The following TBL1XR1 variants were observed in gnomAD, a reference collection of about 807,000 sequenced individuals.
The protein encoded by TBL1XR1 is TBL1X/Y related 1.
In TBL1XR1, 5 loss-of-function variants were observed where a neutral mutation model predicts 66.9. The observed-to-expected ratio is 0.07, with a 90% confidence interval of 0.04 to 0.16. TBL1XR1 has a LOEUF of 0.16. TBL1XR1 is among the 10% of genes least tolerant of loss of function. The pLI, the probability that TBL1XR1 is intolerant of heterozygous loss-of-function variation, is 1.00. For missense variants in TBL1XR1, 238 were observed against 623.2 expected, an observed-to-expected ratio of 0.38 and a Z score of 6.58; for synonymous variants, 210 against 206.0, an observed-to-expected ratio of 1.02 and a Z score of -0.17.
intron 12 of TBL1XR1, among the ~76,000 whole-genome samples, chr3:177,034,527 C>CT (rs1172090381): frequency 6.6e-6 from 1 of 151,644 alleles, no homozygotes; most frequent in African/African-American, 2.4e-5. Flanking sequence ...AAAAAGTTAG[C>CT]TTTAAGCCCT....
intron 3 of TBL1XR1, among the ~76,000 whole-genome samples, chr3:177,058,158 GACC>G (rs943870545): frequency 2.6e-5 from 4 of 152,106 alleles, no homozygotes; most frequent in Non-Finnish European, 4.4e-5. Flanking sequence ...GCTTAAATAT[GACC>G]ACAACATACT....
At position 177,023,171 on chromosome 3, in the gene TBL1XR1, T is replaced by C. The variant is rs1289785902; in HGVS notation, c.*2327A>G. 6.6e-6 allele frequency: 1 copy of C among 152,416 alleles called. No individual in the cohort carries two copies. The highest frequency in any genetic ancestry group is 6.6e-5 in the Admixed American group (1 of 15,244). 9.4% of individuals were successfully genotyped at this position (152,416 alleles called of 1,614,324 possible). A position where few individuals can be genotyped will look rare whatever the true frequency, so the allele number is the denominator to read the frequency against. On this transcript the variant is annotated 3_prime_UTR_variant, in exon 16 of 16. Coordinates refer to ENST00000457928, the MANE Select transcript of TBL1XR1 (RefSeq NM_024665.7). ...AATGAATAAACTGTCCATATCAAAA[T>C]ACAAAAGTACTATCAATAATCACCT...
chr3:177,156,428 GGCAGAGGTT>G (rs1254166108), intron 1 of TBL1XR1, among the ~76,000 whole-genome samples: 1 of 151,388 alleles, frequency 6.6e-6, no homozygotes, highest in Non-Finnish European at 1.5e-5. Flanking sequence ...GAACCCAGGA[GGCAGAGGTT>G]GCAGTGAGCC....
intron 2 of TBL1XR1, among the ~76,000 whole-genome samples, chr3:177,084,017 G>A (rs951833316): frequency 6.6e-6 from 1 of 150,554 alleles, no homozygotes; most frequent in Non-Finnish European, 1.5e-5. Flanking sequence ...GAACCCAGGA[G>A]GCGGAGGCTG....
intron 1 of TBL1XR1, among the ~76,000 whole-genome samples, chr3:177,139,615 C>T (rs1031500636): frequency 6.6e-6 from 1 of 150,640 alleles, no homozygotes; most frequent in African/African-American, 2.4e-5. Flanking sequence ...AATTCATTTG[C>T]CTAGAATATA....
At chr3:177,085,119 A>T (rs1174538675) in intron 2 of TBL1XR1, among the ~76,000 whole-genome samples, 1 of 152,236 alleles carries the variant, frequency 6.6e-6, no homozygotes, top group African/African-American at 2.4e-5. Flanking sequence ...CATAAGAATA[A>T]ATCCCTAAGA....
chr3:177,194,288 AGCT>A (rs1369318133), intron 1 of TBL1XR1, among the ~76,000 whole-genome samples: 1 of 152,184 alleles, frequency 6.6e-6, no homozygotes, highest in African/African-American at 2.4e-5. Flanking sequence ...GTCTCGTGTT[AGCT>A]GCTTTCCTTT....
At position 177,023,546 on chromosome 3, in the gene TBL1XR1, A is replaced by G. The variant is rs1203052490; in HGVS notation, c.*1952T>C. 6.6e-6 allele frequency: 1 copy of G among 152,534 alleles called. No individual in the cohort carries two copies. Among genetic ancestry groups the G allele is most frequent in the Non-Finnish European group, 1.5e-5 (1 of 67,968 alleles). 9.4% of individuals were successfully genotyped at this position (152,534 alleles called of 1,614,324 possible). ...ACTGCCTCTCTTGATGTAAATTTTT[A>G]AAAATATTATTACAGTATCATAGTC... On this transcript the variant is annotated 3_prime_UTR_variant, in exon 16 of 16. Coordinates refer to ENST00000457928, the MANE Select transcript of TBL1XR1 (RefSeq NM_024665.7).
intron 2 of TBL1XR1, among the ~76,000 whole-genome samples, chr3:177,091,472 T>G (rs1199721641): frequency 6.6e-6 from 1 of 152,126 alleles, no homozygotes; most frequent in African/African-American, 2.4e-5. Context: ...GAGACATAGC[T>G]GATCTGAGGA....
chr3:177,157,881 T>C (rs1298897569), intron 1 of TBL1XR1, among the ~76,000 whole-genome samples: 2 of 152,218 alleles, frequency 1.3e-5, no homozygotes, highest in Non-Finnish European at 2.9e-5. Context: ...GTATATACAT[T>C]TGTATATTAT....
chr3:177,096,820 A>C (rs1723554647), intron 2 of TBL1XR1, among the ~76,000 whole-genome samples: 1 of 152,190 alleles, frequency 6.6e-6, no homozygotes, highest in Non-Finnish European at 1.5e-5. Flanking sequence ...GTGCTTTATA[A>C]ATTAACAAAA....
At chr3:177,145,067 A>G (rs988032671) in intron 1 of TBL1XR1, among the ~76,000 whole-genome samples, 4 of 152,342 alleles carry the variant, frequency 2.6e-5, no homozygotes, top group Middle Eastern at 3.4e-3. Context: ...CTGTTTAATT[A>G]TAACTTCAAG....
intron 1 of TBL1XR1, among the ~76,000 whole-genome samples, chr3:177,101,290 T>A: frequency 7.2e-6 from 1 of 138,274 alleles, no homozygotes; most frequent in Non-Finnish European, 1.5e-5. Context: ...TAGATGCAAT[T>A]TTTTTTTTTT....
intron 1 of TBL1XR1, among the ~76,000 whole-genome samples, chr3:177,160,559 C>T (rs1224405490): frequency 1.7e-4 from 26 of 151,868 alleles, no homozygotes; most frequent in Admixed American, 1.7e-3. Flanking sequence ...TCCATAGTTC[C>T]CATTCTGCTT....
intron 1 of TBL1XR1, among the ~76,000 whole-genome samples, chr3:177,141,475 T>A (rs1174536129): frequency 6.6e-6 from 1 of 152,236 alleles, no homozygotes; most frequent in Non-Finnish European, 1.5e-5. Flanking sequence ...TCAAGTGTTA[T>A]TAAACTACAT....
At chr3:177,115,976 G>A (rs375443966) in intron 1 of TBL1XR1, among the ~76,000 whole-genome samples, 2 of 152,132 alleles carry the variant, frequency 1.3e-5, no homozygotes, top group Non-Finnish European at 2.9e-5. Context: ...GAGGCCAGGG[G>A]AAGCTTTTGC....
chr3:177,034,055 C>A, intron 13 of TBL1XR1, 143 bp downstream of exon 13: 1 of 866,052 alleles, frequency 1.2e-6, no homozygotes. Context: ...CCAAAAACCA[C>A]CTATACACCA....
chr3:177,135,334 T>TGTGTGC (rs1394071556), intron 1 of TBL1XR1, among the ~76,000 whole-genome samples: 1 of 49,940 alleles, frequency 2.0e-5, no homozygotes, highest in African/African-American at 7.1e-5. Context: ...TGTGTGTGTG[T>TGTGTGC]ATACATATAT....
At chr3:177,130,855 C>G (rs925260311) in intron 1 of TBL1XR1, among the ~76,000 whole-genome samples, 1 of 152,030 alleles carries the variant, frequency 6.6e-6, no homozygotes, top group East Asian at 1.9e-4. Flanking sequence ...TTTAGAGGTA[C>G]TGTGAAATTG....
Sources: allele counts gnomAD v4.1 joint callset (sites outside exome capture counted in the v4.1 genomes callset), GRCh38; gene constraint gnomAD v4.1.1; transcripts MANE v1.5; gene names NCBI Gene and HGNC (gene_info 2026-07-23, HGNC 2026-07-21).